AUTS2: variants seen among roughly 807,000 people sequenced by gnomAD.
AUTS2 encodes activator of transcription and developmental regulator AUTS2.
A neutral mutation model predicts 112.4 loss-of-function variants in AUTS2; 17 were observed. That is an observed-to-expected ratio of 0.15 (90% CI 0.10 to 0.23). The LOEUF (loss-of-function observed/expected upper bound fraction) is 0.23. AUTS2 is among the 10% of genes least tolerant of loss of function. The pLI, the probability that AUTS2 is intolerant of heterozygous loss-of-function variation, is 1.00. For synonymous variants in AUTS2, 751 were observed against 702.7 expected (o/e 1.07, Z -1.09); for missense variants, 1,510 against 1,701.6 (o/e 0.89, Z 1.98).
intron 5 of AUTS2, among the ~76,000 whole-genome samples, chr7:70,444,373 T>TGTGTGTGTGTGTGTGTGA (rs372696006): frequency 1.4e-5 from 2 of 142,442 alleles, no homozygotes; most frequent in Admixed American, 7.0e-5. Context: ...TGTGTGTGTG[T>TGTGTGTGTGTGTGTGTGA]GAGAGAGAGA....
At chr7:70,192,188 A>T (rs1391163570) in intron 4 of AUTS2, among the ~76,000 whole-genome samples, 1 of 152,180 alleles carries the variant, frequency 6.6e-6, no homozygotes. Context: ...AAAGTACCCT[A>T]TCACAGAATT....
intron 5 of AUTS2, among the ~76,000 whole-genome samples, chr7:70,470,699 C>A (rs1797345470): frequency 6.6e-6 from 1 of 151,996 alleles, no homozygotes; most frequent in South Asian, 2.1e-4. Flanking sequence ...GGCGGGGAGA[C>A]AATCAGGAGG....
rs764400600 is a variant in AUTS2, at chr7:70,791,635, C to G, written c.*639C>G. 1 of 152,648 alleles carries G rather than the reference C, an allele frequency of 6.6e-6. No homozygotes were observed. The highest frequency in any genetic ancestry group is 1.5e-5 in the Non-Finnish European group (1 of 68,046). The allele number at this position is 152,648 out of a possible 1,614,324, so 9.5% of individuals were successfully genotyped here. ...GTTCGGGCTTTTCACAAAAGCCCGC[C>G]TAACTCAAAGGAGCCTTTTCAAATC... On this transcript the variant is annotated 3_prime_UTR_variant, in exon 19 of 19. Coordinates refer to ENST00000342771, the MANE Select transcript of AUTS2 (RefSeq NM_015570.4).
chr7:69,658,775 T>C (rs1302358262), intron 1 of AUTS2, among the ~76,000 whole-genome samples: 1 of 152,238 alleles, frequency 6.6e-6, no homozygotes, highest in African/African-American at 2.4e-5. Context: ...TTGTAGGCTC[T>C]TTGGTTCATT....
At chr7:69,609,121 T>C (rs751985603) in intron 1 of AUTS2, among the ~76,000 whole-genome samples, 2 of 152,228 alleles carry the variant, frequency 1.3e-5, no homozygotes, top group Non-Finnish European at 2.9e-5. Flanking sequence ...AGGGGTTAAT[T>C]GACCTGTTCA....
intron 4 of AUTS2, among the ~76,000 whole-genome samples, chr7:70,276,377 CTTTT>C (rs545099548): frequency 7.1e-6 from 1 of 139,932 alleles, no homozygotes; most frequent in African/African-American, 2.6e-5. Context: ...AATTTTGTGA[CTTTT>C]TTTTTTTTTT....
intron 6 of AUTS2, among the ~76,000 whole-genome samples, chr7:70,712,613 A>C (rs1810121113): frequency 1.3e-5 from 2 of 152,128 alleles, no homozygotes; most frequent in Non-Finnish European, 2.9e-5. Flanking sequence ...GTAGAGTCAC[A>C]ACTCTGTTTT....
chr7:70,016,917 C>T (rs530175724), intron 2 of AUTS2, among the ~76,000 whole-genome samples: 2 of 152,190 alleles, frequency 1.3e-5, no homozygotes, highest in Non-Finnish European at 2.9e-5. Context: ...ATCCACCTGC[C>T]TTGGCCTTCC....
intron 1 of AUTS2, among the ~76,000 whole-genome samples, chr7:69,773,115 G>A (rs1237885462): frequency 3.3e-5 from 5 of 152,132 alleles, no homozygotes; most frequent in African/African-American, 4.8e-5. Flanking sequence ...GTGCGCAGCC[G>A]ACCTAGTATT....
Position 70,565,112 on chromosome 7 carries a change from T to G in AUTS2, c.690+129331T>G, listed in dbSNP as rs190500314. Among the ~76,000 whole-genome samples the G allele has an allele frequency of 2.7e-4, 41 of 152,060 alleles. No individual in the cohort carries two copies. In the East Asian group the frequency reaches 7.2e-3, roughly 27 times the overall value. ...GACTCTGTCTCAAAAAATAAATAAA[T>G]AAATAAAAATTAGAACTCTACATAG... On this transcript the variant is annotated intron_variant, in intron 5 of 18. Coordinates refer to ENST00000342771, the MANE Select transcript of AUTS2 (RefSeq NM_015570.4).
chr7:69,891,018 A>G (rs952543268), intron 1 of AUTS2, among the ~76,000 whole-genome samples: 2 of 152,228 alleles, frequency 1.3e-5, no homozygotes, highest in Admixed American at 6.5e-5. Flanking sequence ...AAACTGCACA[A>G]ACTAACAATA....
At chr7:70,175,442 G>A (rs1451582050) in intron 4 of AUTS2, among the ~76,000 whole-genome samples, 3 of 132,936 alleles carry the variant, frequency 2.3e-5, no homozygotes, top group East Asian at 4.4e-4. Flanking sequence ...AATCAGTGGC[G>A]GTATTTGAGG....
intron 4 of AUTS2, among the ~76,000 whole-genome samples, chr7:70,308,593 T>C (rs563806476): frequency 2.6e-5 from 4 of 152,312 alleles, no homozygotes; most frequent in South Asian, 4.1e-4. Flanking sequence ...ATGGCTCTTA[T>C]GTAGTGAAGA....
chr7:69,680,695 G>A (rs766662686), intron 1 of AUTS2, among the ~76,000 whole-genome samples: 33 of 151,436 alleles, frequency 2.2e-4, no homozygotes, highest in South Asian at 6.3e-4. Context: ...TTTTTGAGAC[G>A]GGCTCTCTGT....
intron 1 of AUTS2, among the ~76,000 whole-genome samples, chr7:69,811,367 GT>G (rs1790535557): frequency 6.6e-6 from 1 of 152,106 alleles, no homozygotes; most frequent in Admixed American, 6.5e-5. Context: ...GGTCTGGCAT[GT>G]GATGGATACA....
chr7:69,995,132 G>A (rs1798890324), intron 2 of AUTS2, among the ~76,000 whole-genome samples: 2 of 152,098 alleles, frequency 1.3e-5, no homozygotes, highest in African/African-American at 4.8e-5. Context: ...CACCACTGAT[G>A]GATCACATGT....
intron 1 of AUTS2, among the ~76,000 whole-genome samples, chr7:69,666,631 G>A (rs201087657): frequency 1.3e-5 from 2 of 152,166 alleles, no homozygotes; most frequent in Admixed American, 6.5e-5. Flanking sequence ...AGTCTAATGG[G>A]TGGCTCACAC....
intron 5 of AUTS2, among the ~76,000 whole-genome samples, chr7:70,638,667 A>C (rs1334909576): frequency 1.3e-5 from 2 of 152,182 alleles, no homozygotes; most frequent in Non-Finnish European, 2.9e-5. Flanking sequence ...AGTCCTTGAC[A>C]GCTGAGGAAA....
chr7:70,060,846 C>T (rs937526694), intron 2 of AUTS2, among the ~76,000 whole-genome samples: 1 of 152,192 alleles, frequency 6.6e-6, no homozygotes, highest in Non-Finnish European at 1.5e-5. Context: ...CTGCTGCATT[C>T]CCCAGCCTCC....
Sources: gnomAD v4.1 joint callset for allele counts (sites outside exome capture counted in the v4.1 genomes callset) on GRCh38, gnomAD v4.1.1 for gene constraint, MANE v1.5 for transcripts, NCBI Gene and HGNC (gene_info 2026-07-23, HGNC 2026-07-21) for gene names.